SLC27A6: variants seen among roughly 807,000 people sequenced by gnomAD.
SLC27A6 encodes long-chain fatty acid transport protein 6.
In SLC27A6, 74 loss-of-function variants were observed where a neutral mutation model predicts 63.9. That is an observed-to-expected ratio of 1.16 (90% CI 0.96 to 1.40). The LOEUF is 1.40. Among genes scored for constraint, SLC27A6 ranks in the 40% most tolerant of loss-of-function variants. The pLI is 0.00. For missense variants in SLC27A6, 794 were observed against 732.9 expected (o/e 1.08, Z -0.96); for synonymous variants, 287 against 260.8 (o/e 1.10, Z -0.97).
chr5:128,997,052 T>C (rs1751184949), intron 4 of SLC27A6, among the ~76,000 whole-genome samples: 1 of 152,258 alleles, frequency 6.6e-6, no homozygotes, highest in East Asian at 1.9e-4. Context: ...ACTTCAAGTG[T>C]TTTATCATGT....
At chr5:129,014,664 T>C (rs765943384) in intron 4 of SLC27A6, among the ~76,000 whole-genome samples, 12 of 152,128 alleles carry the variant, frequency 7.9e-5, no homozygotes, top group Non-Finnish European at 1.5e-4. Context: ...CTTTGGCCAA[T>C]GTGTAGGAAG....
At chr5:128,972,830 C>G (rs1561609516) in intron 1 of SLC27A6, among the ~76,000 whole-genome samples, 1 of 152,180 alleles carries the variant, frequency 6.6e-6, no homozygotes, top group African/African-American at 2.4e-5. Flanking sequence ...AGCTGTGATC[C>G]TTTGAAGGAG....
intron 4 of SLC27A6, among the ~76,000 whole-genome samples, chr5:129,001,355 C>T (rs538296903): frequency 9.8e-5 from 15 of 152,300 alleles, no homozygotes; most frequent in African/African-American, 3.4e-4. Flanking sequence ...TTCTTACTGG[C>T]TCTGCAATAG....
rs1327188263 is a variant in SLC27A6 at position 128,990,422 on chromosome 5, G to C, written c.927G>C (p.Gln309His). The C allele has an allele frequency of 6.2e-7, 1 of 1,613,688 alleles. No homozygotes were observed. The highest frequency in any genetic ancestry group is 8.5e-7 in the Non-Finnish European group (1 of 1,179,932). The change falls in exon 4 of 10, where the codon CAG becomes CAC. Residue 309 changes from glutamine to histidine, a missense_variant. Coordinates refer to ENST00000262462, the MANE Select transcript of SLC27A6 (RefSeq NM_001017372.3). ...DCKKYDVTVF[Q>H]YIGELCRYLC... ...AGAAGTATGATGTGACTGTGTTTCA[G>C]TATATTGGAGAACTTTGTCGCTACC...
At chr5:129,015,597 T>C (rs1405284921) in intron 4 of SLC27A6, among the ~76,000 whole-genome samples, 1 of 152,118 alleles carries the variant, frequency 6.6e-6, no homozygotes, top group African/African-American at 2.4e-5. Context: ...TCCTGAAAAA[T>C]GCTTTCTTCC....
At chr5:129,027,046 C>A in intron 6 of SLC27A6, 87 bp from the exon 7 acceptor site, 1 of 1,103,862 alleles carries the variant, frequency 9.1e-7, no homozygotes, top group Non-Finnish European at 1.4e-6. Flanking sequence ...ATTGGTTGTG[C>A]TGGCCAGATA....
At chr5:128,973,169 A>AAG (rs1750248306) in intron 1 of SLC27A6, among the ~76,000 whole-genome samples, 3 of 152,078 alleles carry the variant, frequency 2.0e-5, no homozygotes, top group Non-Finnish European at 4.4e-5. Context: ...ACCTGCTTGT[A>AAG]TGCAGTGTCA....
intron 1 of SLC27A6, among the ~76,000 whole-genome samples, chr5:128,981,424 T>G (rs937491337): frequency 5.3e-5 from 8 of 151,006 alleles, no homozygotes; most frequent in Non-Finnish European, 1.2e-4. Flanking sequence ...GAGGTTGTAG[T>G]GAGCCGAGTT....
At chr5:128,967,535 T>C (rs1029343527) in intron 1 of SLC27A6, among the ~76,000 whole-genome samples, 1 of 152,160 alleles carries the variant, frequency 6.6e-6, no homozygotes, top group South Asian at 2.1e-4. Flanking sequence ...TATAAAGTTT[T>C]TAAACTCACA....
At chr5:128,978,587 C>T (rs1396209617) in intron 1 of SLC27A6, among the ~76,000 whole-genome samples, 1 of 152,158 alleles carries the variant, frequency 6.6e-6, no homozygotes, top group Non-Finnish European at 1.5e-5. Context: ...CTTCACCTAT[C>T]ACAGTGCACA....
At chr5:129,030,804 A>G (rs1752393018) in intron 9 of SLC27A6, among the ~76,000 whole-genome samples, 1 of 152,036 alleles carries the variant, frequency 6.6e-6, no homozygotes, top group Non-Finnish European at 1.5e-5. Flanking sequence ...CCATCTTATT[A>G]AAAATTCTGC....
At chr5:129,019,646 A>C (rs550687887) in intron 5 of SLC27A6, among the ~76,000 whole-genome samples, 1 of 152,090 alleles carries the variant, frequency 6.6e-6, no homozygotes, top group African/African-American at 2.4e-5. Flanking sequence ...AATGAACTAA[A>C]AAGTAAGCAC....
In SLC27A6 at chr5:128,990,356, AAAG is replaced by A. The variant is rs773331003; in HGVS notation, c.867_869del (p.Lys290del). The A allele has an allele frequency of 6.2e-7, 1 of 1,613,736 alleles. No individual in the cohort carries two copies. The highest frequency in any genetic ancestry group is 8.5e-7 in the Non-Finnish European group (1 of 1,179,904). Reference sequence around the variant, plus strand: ...TTCTTATAGGTGCCACTTGTGTGTTAAAGAAGAAATTTTCAGCAAGCCAGTTTT... The same window carrying A: ...TTCTTATAGGTGCCACTTGTGTGTTAAAGAAATTTTCAGCAAGCCAGTTTT... On this transcript the variant is annotated inframe_deletion, in exon 4 of 10. Transcript: ENST00000262462.
In SLC27A6 at chr5:128,985,205, CT is replaced by C. The variant is rs1561615179; in HGVS notation, c.555del (p.Val186PhefsTer5). ...ENISVWGMKD[S>X]VPQGVISLKE... The stretch of plus-strand genomic sequence containing the variant: ...ATCAGTGTTTGGGGGATGAAAGATT[CT>C]GTTCCACAAGGTGTAATTTCACTCA... On this transcript the variant is annotated frameshift_variant, in exon 2 of 10. Transcript: ENST00000262462. LOFTEE classifies it high-confidence loss of function. 6.2e-7 allele frequency: 1 copy of C among 1,613,832 alleles called. No homozygotes were observed. Among genetic ancestry groups the C allele is most frequent in the Non-Finnish European group, 8.5e-7 (1 of 1,179,790 alleles).
intron 1 of SLC27A6, among the ~76,000 whole-genome samples, chr5:128,969,750 T>G (rs1750064996): frequency 1.3e-5 from 2 of 152,140 alleles, no homozygotes; most frequent in Admixed American, 6.5e-5. Context: ...TTGAATACCT[T>G]TTATTTCTTT....
At chr5:129,011,179 T>C (rs946963564) in intron 4 of SLC27A6, among the ~76,000 whole-genome samples, 7 of 152,090 alleles carry the variant, frequency 4.6e-5, no homozygotes, top group Admixed American at 3.9e-4. Context: ...GTGGAATGGG[T>C]AGGTTGTATT....
chr5:128,968,277 G>A (rs561892510), intron 1 of SLC27A6, among the ~76,000 whole-genome samples: 47 of 152,180 alleles, frequency 3.1e-4, no homozygotes, highest in African/African-American at 5.3e-4. Flanking sequence ...GTATATACCC[G>A]GTAATGGGAT....
chr5:129,011,354 G>A (rs1751722295), intron 4 of SLC27A6, among the ~76,000 whole-genome samples: 1 of 152,160 alleles, frequency 6.6e-6, no homozygotes, highest in Non-Finnish European at 1.5e-5. Context: ...GTTTGTAAAT[G>A]TTTGTTGCTA....
chr5:128,979,367 C>G (rs898512706), intron 1 of SLC27A6, among the ~76,000 whole-genome samples: 20 of 152,118 alleles, frequency 1.3e-4, no homozygotes, highest in African/African-American at 4.6e-4. Flanking sequence ...GTCGTTAGCT[C>G]TTCTCTGGCC....
Sources: allele counts gnomAD v4.1 joint callset (sites outside exome capture counted in the v4.1 genomes callset), GRCh38; gene constraint gnomAD v4.1.1; transcripts MANE v1.5; gene names NCBI Gene and HGNC (gene_info 2026-07-23, HGNC 2026-07-21).